Variants in CSMD1 observed in about 807,000 individuals in gnomAD.
CSMD1 encodes the protein CUB and Sushi multiple domains 1.
Under a neutral mutation model 417.5 loss-of-function variants are expected in CSMD1, and 213 were observed. That is an observed-to-expected ratio of 0.51 (90% CI 0.46 to 0.57). The LOEUF (loss-of-function observed/expected upper bound fraction) is 0.57. CSMD1 is among the 20% of genes least tolerant of loss of function. The pLI is 0.00. For synonymous variants in CSMD1, 2,862 were observed against 1,736.8 expected, an observed-to-expected ratio of 1.65 and a Z score of -16.11; for missense variants, 6,923 against 4,529.7, an observed-to-expected ratio of 1.53 and a Z score of -15.17.
At chr8:3,654,155 C>T (rs1321968727) in intron 7 of CSMD1, among the ~76,000 whole-genome samples, 1 of 152,178 alleles carries the variant, frequency 6.6e-6, no homozygotes, top group African/African-American at 2.4e-5. Context: ...ACCCTGTGTG[C>T]ACACACACAT....
chr8:4,070,293 T>G (rs1799477399), intron 3 of CSMD1, among the ~76,000 whole-genome samples: 1 of 152,208 alleles, frequency 6.6e-6, no homozygotes. Flanking sequence ...TTATTTTTAC[T>G]TAAAAAGTCT....
rs997045727 is a variant in CSMD1, at chr8:3,428,222, G to C, written c.1562-18617C>G. Among the ~76,000 whole-genome samples, 3 of 151,924 alleles carry C rather than the reference G, an allele frequency of 2.0e-5. No homozygotes were observed. In the East Asian group the frequency reaches 5.8e-4, roughly 30 times the overall value. On this transcript the variant is annotated intron_variant, in intron 12 of 69. Coordinates refer to ENST00000635120, the MANE Select transcript of CSMD1 (RefSeq NM_033225.6). ...TGAGCTACGTAGAATGAATTTCCTT[G>C]ACTGTTAAACACTCGAGGAAGGGGG...
intron 3 of CSMD1, among the ~76,000 whole-genome samples, chr8:4,260,044 T>C (rs372876432): frequency 6.6e-6 from 1 of 151,462 alleles, no homozygotes; most frequent in Non-Finnish European, 1.5e-5. Flanking sequence ...TTTTAACACA[T>C]ACTTGAAAGG....
At chr8:4,428,312 C>T (rs1356115792) in intron 2 of CSMD1, among the ~76,000 whole-genome samples, 2 of 152,184 alleles carry the variant, frequency 1.3e-5, no homozygotes, top group Non-Finnish European at 2.9e-5. Context: ...TCACATCTAA[C>T]GAGTCCCAAC....
intron 9 of CSMD1, among the ~76,000 whole-genome samples, chr8:3,581,505 C>G (rs938110957): frequency 3.3e-5 from 5 of 152,210 alleles, no homozygotes; most frequent in African/African-American, 1.2e-4. Flanking sequence ...TCACTTCTGA[C>G]TCACTGCAAT....
At chr8:3,767,724 G>C (rs753787257) in intron 5 of CSMD1, among the ~76,000 whole-genome samples, 1 of 152,082 alleles carries the variant, frequency 6.6e-6, no homozygotes, top group African/African-American at 2.4e-5. Flanking sequence ...TATACTTTGC[G>C]TTAAGAGAAG....
chr8:4,964,502 CA>C (rs10622416), intron 1 of CSMD1, among the ~76,000 whole-genome samples: 59 of 105,962 alleles, frequency 5.6e-4, no homozygotes, highest in Admixed American at 7.2e-4. Context: ...ACCCTGTCTC[CA>C]AAAAAAAAAA....
At position 3,950,888 on chromosome 8, in the gene CSMD1, G is replaced by T. The variant is rs141136770; in HGVS notation, c.818+47015C>A. The stretch of plus-strand genomic sequence containing the variant: ...AATTTCATTTTATTTCTCTTTCAAA[G>T]AATACTTAATAAAAAATAAGGAAAA... On this transcript the variant is annotated intron_variant, in intron 5 of 69. Coordinates refer to ENST00000635120, the MANE Select transcript of CSMD1 (RefSeq NM_033225.6). Among the ~76,000 whole-genome samples the T allele has an allele frequency of 5.9e-3, 902 of 151,904 alleles. 9 individuals carry two copies. Among genetic ancestry groups the T allele is most frequent in the African/African-American group, 0.018 (730 of 41,442 alleles).
At chr8:4,787,743 G>T in intron 1 of CSMD1, 1 of 1,587,810 alleles carries the variant, frequency 6.3e-7, no homozygotes, top group Non-Finnish European at 8.6e-7. Context: ...CTGAGGAACA[G>T]CTGATTGCTG....
At chr8:3,742,137 C>T (rs1420504562) in intron 6 of CSMD1, among the ~76,000 whole-genome samples, 1 of 152,136 alleles carries the variant, frequency 6.6e-6, no homozygotes, top group Admixed American at 6.5e-5. Flanking sequence ...TGTCTATCCA[C>T]CTAGTCACTT....
intron 8 of CSMD1, among the ~76,000 whole-genome samples, chr8:3,607,040 T>C (rs1489644435): frequency 6.6e-6 from 1 of 152,182 alleles, no homozygotes; most frequent in Non-Finnish European, 1.5e-5. Context: ...CTTGTGAGTT[T>C]TTTGCAATAA....
chr8:4,902,694 C>T (rs1253915559), intron 1 of CSMD1, among the ~76,000 whole-genome samples: 2 of 151,964 alleles, frequency 1.3e-5, no homozygotes, highest in African/African-American at 4.8e-5. Context: ...GTGATATACG[C>T]ACATGATACA....
intron 1 of CSMD1, among the ~76,000 whole-genome samples, chr8:4,797,379 C>A (rs929307675): frequency 2.6e-5 from 4 of 152,136 alleles, no homozygotes; most frequent in Non-Finnish European, 4.4e-5. Flanking sequence ...GAGTGTTCCG[C>A]CTGAATCTAG....
intron 5 of CSMD1, among the ~76,000 whole-genome samples, chr8:3,958,271 G>C (rs554655741): frequency 6.7e-6 from 1 of 150,278 alleles, no homozygotes; most frequent in African/African-American, 2.4e-5. Context: ...ATTACAATGT[G>C]GTTTTTTGTG....
rs565100469 is a variant in CSMD1, at chr8:4,656,444, G to C, written c.86-18886C>G. 1.6e-3 allele frequency among the ~76,000 whole-genome samples: 240 copies of C among 152,096 alleles called. 3 individuals are homozygous for C. The highest frequency in any genetic ancestry group is 5.4e-3 in the African/African-American group (225 of 41,420). ...TGTATCATTATATTATCCACGTAAAGCTTAAAGCACTTAACCTTTGCTGAT... is the reference window on the plus strand; with the variant it reads ...TGTATCATTATATTATCCACGTAAACCTTAAAGCACTTAACCTTTGCTGAT... On this transcript the variant is annotated intron_variant, in intron 1 of 69. Coordinates refer to ENST00000635120, the MANE Select transcript of CSMD1 (RefSeq NM_033225.6).
At chr8:3,729,424 A>C (rs1449724407) in intron 6 of CSMD1, among the ~76,000 whole-genome samples, 3 of 152,190 alleles carry the variant, frequency 2.0e-5, no homozygotes, top group Non-Finnish European at 4.4e-5. Flanking sequence ...CTGCATGTTA[A>C]AAGAGGGATA....
At chr8:3,260,716 C>T (rs1321488682) in intron 26 of CSMD1, among the ~76,000 whole-genome samples, 1 of 152,078 alleles carries the variant, frequency 6.6e-6, no homozygotes, top group East Asian at 1.9e-4. Flanking sequence ...ATGAGAACCT[C>T]GACCTACCTC....
intron 46 of CSMD1, among the ~76,000 whole-genome samples, chr8:3,100,007 T>C (rs1269809493): frequency 3.3e-5 from 5 of 152,112 alleles, no homozygotes; most frequent in Non-Finnish European, 7.3e-5. Context: ...TCAAAATTCA[T>C]GTGGGGTTTT....
chr8:3,268,314 T>TTC (rs1206208961), intron 26 of CSMD1, among the ~76,000 whole-genome samples: 10 of 119,844 alleles, frequency 8.3e-5, no homozygotes, highest in African/African-American at 2.9e-4. Flanking sequence ...TTTTTTTTTT[T>TTC]GAGACGGAGT....
Sources: gnomAD v4.1 joint callset for allele counts (sites outside exome capture counted in the v4.1 genomes callset) on GRCh38, gnomAD v4.1.1 for gene constraint, MANE v1.5 for transcripts, NCBI Gene and HGNC (gene_info 2026-07-23, HGNC 2026-07-21) for gene names.